Variants in PCNX1 observed in about 807,000 individuals in gnomAD.
PCNX1 encodes the protein pecanex 1.
A neutral mutation model predicts 242.2 loss-of-function variants in PCNX1; 78 were observed. The observed-to-expected ratio is 0.32, with a 90% CI of 0.27 to 0.39. The LOEUF (loss-of-function observed/expected upper bound fraction) is 0.39. Among genes scored for constraint, PCNX1 ranks in the 10% least tolerant of loss-of-function variants. The pLI, the probability that PCNX1 is intolerant of heterozygous loss-of-function variation, is 1.00. For missense variants in PCNX1, 2,581 were observed against 2,856.5 expected (o/e 0.90, Z 2.20); for synonymous variants, 1,024 against 1,032.9 (o/e 0.99, Z 0.17).
At chr14:70,974,787 A>C (rs2058646514) in intron 5 of PCNX1, among the ~76,000 whole-genome samples, 1 of 152,206 alleles carries the variant, frequency 6.6e-6, no homozygotes, top group Non-Finnish European at 1.5e-5. Context: ...AATAACAATT[A>C]TTTTAAAAAA....
At chr14:70,942,100 C>G (rs1020647601) in intron 1 of PCNX1, among the ~76,000 whole-genome samples, 4 of 152,106 alleles carry the variant, frequency 2.6e-5, no homozygotes, top group Non-Finnish European at 4.4e-5. Context: ...ATGCCCAGTC[C>G]TGCTTTGGCT....
At chr14:71,012,378 T>C (rs1054857719) in intron 10 of PCNX1, 1 of 157,426 alleles carries the variant, frequency 6.4e-6, no homozygotes, top group African/African-American at 2.4e-5. Flanking sequence ...TATACAGTTA[T>C]AAAATCTTAA....
intron 26 of PCNX1, among the ~76,000 whole-genome samples, chr14:71,059,081 T>C (rs28620411): frequency 0.017 from 1,261 of 76,226 alleles, 10 homozygotes; most frequent in African/African-American, 0.058. Flanking sequence ...TTAAAATAAA[T>C]GTGCATGGGA....
intron 27 of PCNX1, among the ~76,000 whole-genome samples, chr14:71,074,796 G>A (rs1266617762): frequency 6.6e-6 from 1 of 152,070 alleles, no homozygotes; most frequent in African/African-American, 2.4e-5. Flanking sequence ...AAGGGTAAAG[G>A]CCAAACCCCT....
chr14:71,011,416 AATCTC>A, intron 9 of PCNX1, 71 bp from the exon 10 acceptor site: 1 of 816,044 alleles, frequency 1.2e-6, no homozygotes, highest in Non-Finnish European at 2.1e-6. Context: ...AAGATATGTG[AATCTC>A]ATCTGAATGT....
chr14:71,088,475 G>A (rs765307625), intron 29 of PCNX1, 45 bp downstream of exon 29: 1 of 1,110,512 alleles, frequency 9.0e-7, no homozygotes, highest in Non-Finnish European at 1.4e-6. Flanking sequence ...ATGGGAAGCT[G>A]TATAGCCTAA....
At chr14:71,072,183 T>A (rs552651592) in intron 26 of PCNX1, among the ~76,000 whole-genome samples, 1 of 152,262 alleles carries the variant, frequency 6.6e-6, no homozygotes, top group African/African-American at 2.4e-5. Flanking sequence ...ACCAATAGAT[T>A]TGCTTGACAC....
At position 71,036,109 on chromosome 14, in the gene PCNX1, T is replaced by C; in HGVS notation, c.3819T>C (p.Gly1273=). 1.2e-6 allele frequency: 2 copies of C among 1,610,064 alleles called. No homozygotes were observed. Among genetic ancestry groups the C allele is most frequent in the Non-Finnish European group, 1.7e-6 (2 of 1,176,298 alleles). The change falls in exon 19 of 36, where the codon GGT becomes GGC. Residue 1273 remains glycine (G), a synonymous_variant. Transcript: ENST00000304743. Reference sequence around the variant, plus strand: ...ACCTGGTAGTATGCATTGTAATTGGTGTGCTGTATTTTGCTATTCATGTAA... The same window carrying C: ...ACCTGGTAGTATGCATTGTAATTGGCGTGCTGTATTTTGCTATTCATGTAA... ...QSDLVVCIVI[G]VLYFAIHVST... is the part of the protein sequence containing the mutation.
intron 19 of PCNX1, among the ~76,000 whole-genome samples, chr14:71,042,038 G>C (rs900148320): frequency 6.6e-6 from 1 of 152,130 alleles, no homozygotes; most frequent in African/African-American, 2.4e-5. Context: ...GGTCTGAGAA[G>C]ATAACTTTAT....
At chr14:71,047,219 A>C (rs960431192) in intron 21 of PCNX1, 114 bp downstream of exon 21, 11 of 595,580 alleles carry the variant, frequency 1.8e-5, no homozygotes, top group Non-Finnish European at 2.6e-5. Flanking sequence ...GCACTGTGAG[A>C]TTAAAAATTT....
intron 26 of PCNX1, among the ~76,000 whole-genome samples, chr14:71,067,345 G>T (rs979137517): frequency 2.0e-5 from 3 of 152,114 alleles, no homozygotes; most frequent in Non-Finnish European, 4.4e-5. Context: ...ATGTGGGAGG[G>T]TGTATGTGTC....
intron 27 of PCNX1, among the ~76,000 whole-genome samples, chr14:71,074,667 G>A (rs999451318): frequency 8.5e-5 from 13 of 152,082 alleles, no homozygotes; most frequent in Non-Finnish European, 1.5e-4. Flanking sequence ...CATGGCCAGC[G>A]TAAGTCTCCA....
chr14:71,026,870 T>C lies in PCNX1; in HGVS notation c.3454T>C (p.Phe1152Leu). The change falls in exon 15 of 36, where the codon TTT becomes CTT. Residue 1152 changes from phenylalanine to leucine, a missense_variant. Transcript: ENST00000304743. ...YLCEQLDIHI[F>L]GGNATTSLLA... is the part of the protein sequence containing the mutation. Reference sequence around the variant, plus strand: ...TTGTGAACAATTGGATATTCATATTTTTGGTGGTAATGGTGAGTACTTCTT... The same window carrying C: ...TTGTGAACAATTGGATATTCATATTCTTGGTGGTAATGGTGAGTACTTCTT... The C allele has an allele frequency of 6.8e-7, 1 of 1,472,058 alleles. No homozygotes were observed. The highest frequency in any genetic ancestry group is 9.5e-7 in the Non-Finnish European group (1 of 1,052,184). The allele number at this position is 1,472,058 out of a possible 1,614,324, so 91.2% of individuals were successfully genotyped here. A position where few individuals can be genotyped will look rare whatever the true frequency, so the allele number is the denominator to read the frequency against.
intron 5 of PCNX1, among the ~76,000 whole-genome samples, chr14:70,974,773 C>G (rs1718314774): frequency 6.6e-6 from 1 of 152,212 alleles, no homozygotes; most frequent in Admixed American, 6.5e-5. Flanking sequence ...TTCTAAACGC[C>G]ACTAATAACA....
chr14:70,949,228 T>A (rs2057635624), intron 2 of PCNX1, among the ~76,000 whole-genome samples: 1 of 130,688 alleles, frequency 7.7e-6, no homozygotes, highest in Non-Finnish European at 1.6e-5. Flanking sequence ...TATAGATATA[T>A]GTATGTGTAT....
intron 1 of PCNX1, among the ~76,000 whole-genome samples, chr14:70,940,917 G>C (rs989181980): frequency 1.3e-5 from 2 of 151,854 alleles, no homozygotes; most frequent in Non-Finnish European, 2.9e-5. Context: ...TGATCGAATC[G>C]GCTACTGAAG....
chr14:71,083,716 C>T (rs1244836275), intron 28 of PCNX1, among the ~76,000 whole-genome samples: 3 of 152,058 alleles, frequency 2.0e-5, no homozygotes, highest in Admixed American at 6.5e-5. Flanking sequence ...TTATGTTCTT[C>T]TCTAAACTGG....
At chr14:70,964,485 TA>T (rs2058318789) in intron 3 of PCNX1, among the ~76,000 whole-genome samples, 1 of 152,236 alleles carries the variant, frequency 6.6e-6, no homozygotes, top group South Asian at 2.1e-4. Flanking sequence ...TAGAATGAAA[TA>T]ACTCAATTCT....
Position 70,962,278 on chromosome 14 carries a change from C to T in PCNX1, c.415C>T (p.Pro139Ser), listed in dbSNP as rs772681798. 4.3e-6 allele frequency: 7 copies of T among 1,613,536 alleles called. No individual in the cohort carries two copies. The highest frequency in any genetic ancestry group is 5.1e-6 in the Non-Finnish European group (6 of 1,179,628). ...MSEFIREATP[P>S]VGCSSRNSYA... is the part of the protein sequence containing the mutation. ...TGAGTTCATCCGAGAGGCCACACCCCCAGTTGGTTGCAGTTCCAGAAATTC... is the reference window on the plus strand; with the variant it reads ...TGAGTTCATCCGAGAGGCCACACCCTCAGTTGGTTGCAGTTCCAGAAATTC... Residue 139 changes from proline to serine, a missense_variant, in exon 3 of 36, where the codon CCA (proline) becomes TCA (serine). Physicochemically the swap from Pro to Ser is moderately conservative, Grantham distance 74 (BLOSUM62 -1). Coordinates refer to ENST00000304743, the MANE Select transcript of PCNX1 (RefSeq NM_014982.3).
Sources: gnomAD v4.1 joint callset for allele counts (sites outside exome capture counted in the v4.1 genomes callset) on GRCh38, gnomAD v4.1.1 for gene constraint, MANE v1.5 for transcripts, NCBI Gene and HGNC (gene_info 2026-07-23, HGNC 2026-07-21) for gene names.